Variants in ALK observed in about 807,000 individuals in gnomAD.
ALK encodes ALK receptor tyrosine kinase, also known as ALK tyrosine kinase receptor.
ALK carries 74 observed loss-of-function variants against 163.1 expected under a neutral mutation model. The observed-to-expected ratio is 0.45, with a 90% confidence interval of 0.38 to 0.55. The LOEUF (loss-of-function observed/expected upper bound fraction) is 0.55. ALK is among the 20% of genes least tolerant of loss of function. The pLI is 0.00. For missense variants in ALK, 2,063 were observed against 2,105.3 expected, an observed-to-expected ratio of 0.98 and a Z score of 0.39; for synonymous variants, 960 against 843.2, an observed-to-expected ratio of 1.14 and a Z score of -2.40.
chr2:29,582,339 G>T (rs904330449), intron 3 of ALK, among the ~76,000 whole-genome samples: 2 of 152,170 alleles, frequency 1.3e-5, no homozygotes, highest in Non-Finnish European at 2.9e-5. Context: ...CCTTCTAACT[G>T]CTTCTAAAGG....
chr2:29,311,686 C>G (rs1666699218), intron 8 of ALK, among the ~76,000 whole-genome samples: 2 of 152,244 alleles, frequency 1.3e-5, no homozygotes, highest in Admixed American at 6.5e-5. Context: ...TGGAGATGCT[C>G]TTGCATCTGG....
intron 1 of ALK, among the ~76,000 whole-genome samples, chr2:29,777,820 AC>A (rs1681215807): frequency 6.6e-6 from 1 of 151,944 alleles, no homozygotes; most frequent in African/African-American, 2.4e-5. Flanking sequence ...AGGCACTAGA[AC>A]CCTTTCTAGC....
At chr2:29,396,120 G>A (rs1669296960) in intron 4 of ALK, among the ~76,000 whole-genome samples, 2 of 152,274 alleles carry the variant, frequency 1.3e-5, no homozygotes, top group Admixed American at 1.3e-4. Context: ...AATTGTCAGA[G>A]GCTTTGATGG....
At chr2:29,256,206 A>G (rs1489417908) in intron 11 of ALK, among the ~76,000 whole-genome samples, 3 of 152,316 alleles carry the variant, frequency 2.0e-5, no homozygotes, top group African/African-American at 4.8e-5. Flanking sequence ...CTTGATCCCC[A>G]GGTAGAAGCT....
intron 3 of ALK, among the ~76,000 whole-genome samples, chr2:29,648,159 T>C (rs1039305746): frequency 2.6e-5 from 4 of 152,154 alleles, no homozygotes; most frequent in Non-Finnish European, 5.9e-5. Flanking sequence ...TCCCTTGGCC[T>C]GGAATGCCTA....
At chr2:29,627,175 C>T (rs974771809) in intron 3 of ALK, among the ~76,000 whole-genome samples, 5 of 152,172 alleles carry the variant, frequency 3.3e-5, no homozygotes, top group Non-Finnish European at 5.9e-5. Flanking sequence ...GGCAGACAGC[C>T]GCATTTTCTA....
chr2:29,532,841 G>C (rs1673156090), intron 3 of ALK, among the ~76,000 whole-genome samples: 1 of 152,150 alleles, frequency 6.6e-6, no homozygotes, highest in African/African-American at 2.4e-5. Context: ...GAAGTTTTGG[G>C]CCATTAGATG....
intron 1 of ALK, among the ~76,000 whole-genome samples, chr2:29,792,400 G>A (rs1312032394): frequency 1.3e-5 from 2 of 152,018 alleles, no homozygotes; most frequent in African/African-American, 4.8e-5. Context: ...AATTACTGCT[G>A]GGGGCCACTA....
intron 3 of ALK, among the ~76,000 whole-genome samples, chr2:29,649,747 C>T (rs991706978): frequency 1.3e-5 from 2 of 152,136 alleles, no homozygotes; most frequent in Non-Finnish European, 2.9e-5. Context: ...CTCACCTCTG[C>T]CTGGCTTGTG....
chr2:29,533,187 C>G (rs544677004), intron 3 of ALK, among the ~76,000 whole-genome samples: 1 of 152,170 alleles, frequency 6.6e-6, no homozygotes, highest in African/African-American at 2.4e-5. Flanking sequence ...GGATCGAGAA[C>G]GTGAACCCTC....
chr2:29,639,961 T>C (rs1470383681), intron 3 of ALK, among the ~76,000 whole-genome samples: 1 of 152,180 alleles, frequency 6.6e-6, no homozygotes, highest in Non-Finnish European at 1.5e-5. Flanking sequence ...ATGTGCTGGG[T>C]CTTGACGTTC....
chr2:29,597,075 CA>C (rs903112966), intron 3 of ALK, among the ~76,000 whole-genome samples: 8 of 151,844 alleles, frequency 5.3e-5, no homozygotes, highest in South Asian at 2.1e-4. Flanking sequence ...GAAACAGACA[CA>C]AAAAAAATAG....
At chr2:29,219,683 A>ATGTT (rs1256359244) in intron 23 of ALK, among the ~76,000 whole-genome samples, 5 of 152,168 alleles carry the variant, frequency 3.3e-5, no homozygotes, top group African/African-American at 1.2e-4. Flanking sequence ...CCAGGGTGCT[A>ATGTT]TGTTTAATAA....
intron 11 of ALK, among the ~76,000 whole-genome samples, chr2:29,272,629 T>G (rs1396174289): frequency 6.6e-6 from 1 of 152,194 alleles, no homozygotes; most frequent in Non-Finnish European, 1.5e-5. Flanking sequence ...GGAGGAGAGT[T>G]GAAATGCCAC....
intron 7 of ALK, 50 bp downstream of exon 7, chr2:29,320,701 A>G (rs1375229580): frequency 6.2e-7 from 1 of 1,611,138 alleles, no homozygotes. Context: ...CCATCTGTCT[A>G]TGTGGGCATG....
intron 1 of ALK, among the ~76,000 whole-genome samples, chr2:29,718,446 C>T (rs567013373): frequency 6.6e-6 from 1 of 152,310 alleles, no homozygotes; most frequent in East Asian, 1.9e-4. Flanking sequence ...AAATCCCAAG[C>T]TCAATCACTA....
intron 3 of ALK, among the ~76,000 whole-genome samples, chr2:29,667,826 CTCT>C (rs1325926672): frequency 6.6e-6 from 1 of 151,998 alleles, no homozygotes; most frequent in Non-Finnish European, 1.5e-5. Context: ...GTATTCCCTC[CTCT>C]TCAATTTTTT....
At chr2:29,393,577 T>C (rs1669231446) in intron 4 of ALK, among the ~76,000 whole-genome samples, 1 of 152,220 alleles carries the variant, frequency 6.6e-6, no homozygotes. Flanking sequence ...CATCCCCTTC[T>C]GCAATGGCTC....
At chr2:29,547,400 C>G (rs761552540) in intron 3 of ALK, among the ~76,000 whole-genome samples, 11 of 152,176 alleles carry the variant, frequency 7.2e-5, no homozygotes, top group Admixed American at 2.0e-4. Context: ...AGTTCGAGAT[C>G]AGCCTGGGCA....
Sources: allele counts gnomAD v4.1 joint callset (sites outside exome capture counted in the v4.1 genomes callset), GRCh38; gene constraint gnomAD v4.1.1; transcripts MANE v1.5; gene names NCBI Gene and HGNC (gene_info 2026-07-23, HGNC 2026-07-21).